WWOX: variants seen among roughly 807,000 people sequenced by gnomAD.
The protein encoded by WWOX is WW domain-containing oxidoreductase.
Under a neutral mutation model 46.2 loss-of-function variants are expected in WWOX, and 69 were observed. That is an observed-to-expected ratio of 1.49 (90% CI 1.23 to 1.82). WWOX has a LOEUF of 1.82. WWOX is among the 40% of genes most tolerant of loss of function. WWOX has a pLI of 0.00. For synonymous variants in WWOX, 359 were observed against 202.6 expected, an observed-to-expected ratio of 1.77 and a Z score of -6.56; for missense variants, 919 against 542.6, an observed-to-expected ratio of 1.69 and a Z score of -6.89.
rs114562956 is a variant in WWOX at position 79,184,764 on chromosome 16, G to A, written c.1057-26844G>A. ...GCCAAGATAGGAGTTTGAAGAGGAG[G>A]CACCAATGGCAATTTGGGTTGTTAA... On this transcript the variant is annotated intron_variant, in intron 8 of 8. Coordinates refer to ENST00000566780, the MANE Select transcript of WWOX (RefSeq NM_016373.4). Among the ~76,000 whole-genome samples, 182 of 152,334 alleles carry A rather than the reference G, an allele frequency of 1.2e-3. 1 individual carries two copies. Among genetic ancestry groups the A allele is most frequent in the African/African-American group, 4.1e-3 (172 of 41,568 alleles).
At chr16:78,305,357 T>C (rs983208629) in intron 5 of WWOX, among the ~76,000 whole-genome samples, 1 of 152,084 alleles carries the variant, frequency 6.6e-6, no homozygotes, top group Admixed American at 6.5e-5. Flanking sequence ...GCCTCCTTGC[T>C]CACAATAGCC....
chr16:78,574,485 C>T lies in WWOX; in HGVS notation c.1056+141733C>T, dbSNP rs116517805. 7.9e-3 allele frequency among the ~76,000 whole-genome samples: 1,198 copies of T among 152,112 alleles called. 21 individuals are homozygous for T. The highest frequency in any genetic ancestry group is 0.028 in the African/African-American group (1,153 of 41,476). On this transcript the variant is annotated intron_variant, in intron 8 of 8. Transcript: ENST00000566780. The stretch of plus-strand genomic sequence containing the variant: ...AGACCTGAATCCTATCTAAAGTTGT[C>T]GGTGGTTGCTTCCTTCCTGAAAGCA...
At chr16:78,735,363 C>A (rs1240387584) in intron 8 of WWOX, among the ~76,000 whole-genome samples, 16 of 146,582 alleles carry the variant, frequency 1.1e-4, no homozygotes, top group African/African-American at 4.1e-4. Flanking sequence ...AGAATCAGAA[C>A]CAATAAGAGA....
At chr16:78,776,593 A>G (rs960622306) in intron 8 of WWOX, among the ~76,000 whole-genome samples, 1 of 152,160 alleles carries the variant, frequency 6.6e-6, no homozygotes, top group Admixed American at 6.5e-5. Context: ...TGGAGTGAGG[A>G]TGGATGTTTA....
At chr16:78,820,867 T>C (rs1266414682) in intron 8 of WWOX, among the ~76,000 whole-genome samples, 1 of 152,154 alleles carries the variant, frequency 6.6e-6, no homozygotes, top group Non-Finnish European at 1.5e-5. Context: ...TGGCAATTCT[T>C]GATGTCCCTT....
chr16:78,798,506 G>C (rs780476756), intron 8 of WWOX, among the ~76,000 whole-genome samples: 2 of 151,442 alleles, frequency 1.3e-5, no homozygotes, highest in Non-Finnish European at 2.9e-5. Context: ...GCCTGTACTT[G>C]AGTCCTTAGA....
chr16:78,446,683 AGG>A (rs2083568378), intron 8 of WWOX, among the ~76,000 whole-genome samples: 1 of 36,278 alleles, frequency 2.8e-5, no homozygotes, highest in Non-Finnish European at 4.4e-5. Flanking sequence ...TTTTTTTTTG[AGG>A]TGGAATCTCC....
intron 8 of WWOX, among the ~76,000 whole-genome samples, chr16:78,514,528 T>C (rs924392712): frequency 3.3e-5 from 5 of 152,188 alleles, no homozygotes; most frequent in South Asian, 2.1e-4. Context: ...TACACTTAGA[T>C]AGGCATCATT....
chr16:78,742,869 T>G (rs2049262948), intron 8 of WWOX, among the ~76,000 whole-genome samples: 1 of 152,124 alleles, frequency 6.6e-6, no homozygotes, highest in African/African-American at 2.4e-5. Context: ...AGCCGGGGGC[T>G]TCCCAGTGTA....
At chr16:79,072,378 C>G (rs1054915821) in intron 8 of WWOX, among the ~76,000 whole-genome samples, 1 of 152,168 alleles carries the variant, frequency 6.6e-6, no homozygotes, top group South Asian at 2.1e-4. Context: ...GTTGCACTGC[C>G]TCCCATAGGC....
At chr16:78,327,301 T>C (rs965448747) in intron 5 of WWOX, among the ~76,000 whole-genome samples, 8 of 152,160 alleles carry the variant, frequency 5.3e-5, no homozygotes, top group African/African-American at 1.9e-4. Flanking sequence ...TGCACCAGTG[T>C]CCCTAAAAGT....
chr16:78,180,665 G>A (rs2042352), intron 5 of WWOX, among the ~76,000 whole-genome samples: 1 of 151,502 alleles, frequency 6.6e-6, no homozygotes, highest in Non-Finnish European at 1.5e-5. Context: ...CAGCCGCACC[G>A]GAGAGTTGTG....
chr16:78,796,857 A>G (rs147297966), intron 8 of WWOX, among the ~76,000 whole-genome samples: 2,263 of 139,360 alleles, frequency 0.016, 65 homozygotes, highest in African/African-American at 0.058. Context: ...CCATAGTCTC[A>G]CTCTGTCACC....
At chr16:78,320,746 TG>T (rs2080449820) in intron 5 of WWOX, among the ~76,000 whole-genome samples, 1 of 152,222 alleles carries the variant, frequency 6.6e-6, no homozygotes, top group Non-Finnish European at 1.5e-5. Context: ...ATGATCCAGC[TG>T]TTTTGCAGAA....
intron 8 of WWOX, among the ~76,000 whole-genome samples, chr16:78,840,265 A>G (rs570773365): frequency 1.1e-3 from 171 of 152,290 alleles, no homozygotes; most frequent in Admixed American, 3.9e-3. Flanking sequence ...ACTGAGCAAA[A>G]TCCTGAACCT....
intron 8 of WWOX, among the ~76,000 whole-genome samples, chr16:78,844,353 T>C (rs1238838669): frequency 1.3e-5 from 2 of 152,202 alleles, no homozygotes; most frequent in African/African-American, 4.8e-5. Flanking sequence ...CATCCTCTTA[T>C]CTACCATATG....
At chr16:78,309,861 T>C (rs76565283) in intron 5 of WWOX, among the ~76,000 whole-genome samples, 2,518 of 152,246 alleles carry the variant, frequency 0.017, 71 homozygotes, top group African/African-American at 0.057. Context: ...GACAGGTTGT[T>C]TAATTGTTCT....
chr16:78,407,452 G>A (rs184131842), intron 6 of WWOX, among the ~76,000 whole-genome samples: 10 of 152,258 alleles, frequency 6.6e-5, no homozygotes, highest in Non-Finnish European at 4.4e-5. Context: ...TCAGAAGAGT[G>A]TTTATTTAAT....
chr16:78,658,772 CT>C (rs1344626128), intron 8 of WWOX, among the ~76,000 whole-genome samples: 1 of 151,998 alleles, frequency 6.6e-6, no homozygotes, highest in Non-Finnish European at 1.5e-5. Flanking sequence ...CAAGTTGCAT[CT>C]GTGAAGATTC....
Sources: allele counts gnomAD v4.1 joint callset (sites outside exome capture counted in the v4.1 genomes callset), GRCh38; gene constraint gnomAD v4.1.1; transcripts MANE v1.5; gene names NCBI Gene and HGNC (gene_info 2026-07-23, HGNC 2026-07-21).